The following SNX29 variants were observed in gnomAD, a reference collection of about 807,000 sequenced individuals.
The protein encoded by SNX29 is sorting nexin-29.
Under a neutral mutation model 102.1 loss-of-function variants are expected in SNX29, and 78 were observed. That is an observed-to-expected ratio of 0.76 (90% CI 0.64 to 0.92). SNX29 has a LOEUF of 0.92. Ranked by LOEUF, SNX29 falls within the 40% of genes least tolerant of loss-of-function variation. SNX29 has a pLI of 0.00. For missense variants in SNX29, 1,280 were observed against 1,061.7 expected, an observed-to-expected ratio of 1.21 and a Z score of -2.86; for synonymous variants, 580 against 414.5, an observed-to-expected ratio of 1.40 and a Z score of -4.85.
chr16:12,423,032 A>G (rs1016170108), intron 18 of SNX29, among the ~76,000 whole-genome samples: 1 of 152,186 alleles, frequency 6.6e-6, no homozygotes, highest in African/African-American at 2.4e-5. Flanking sequence ...CTCAGGAAGA[A>G]ACAAACACAC....
At chr16:12,157,200 C>T (rs372186790) in intron 13 of SNX29, among the ~76,000 whole-genome samples, 36 of 152,300 alleles carry the variant, frequency 2.4e-4, no homozygotes, top group African/African-American at 7.9e-4. Context: ...CATCCACCCC[C>T]CATAGGCTGA....
At chr16:12,559,514 C>T (rs764517473) in intron 20 of SNX29, among the ~76,000 whole-genome samples, 1 of 151,906 alleles carries the variant, frequency 6.6e-6, no homozygotes, top group African/African-American at 2.4e-5. Context: ...ATGTAACACA[C>T]TTTGTATCTC....
intron 20 of SNX29, among the ~76,000 whole-genome samples, chr16:12,539,128 T>C (rs1002851758): frequency 6.6e-6 from 1 of 152,198 alleles, no homozygotes; most frequent in Non-Finnish European, 1.5e-5. Flanking sequence ...AAAAAATTTT[T>C]AATTTACACA....
chr16:12,192,101 C>T (rs1427970054), intron 13 of SNX29, among the ~76,000 whole-genome samples: 1 of 152,146 alleles, frequency 6.6e-6, no homozygotes, highest in Non-Finnish European at 1.5e-5. Flanking sequence ...GTAGTGCTGT[C>T]TGGGGTTGCT....
At chr16:12,412,156 C>G (rs1370881240) in intron 18 of SNX29, among the ~76,000 whole-genome samples, 1 of 152,186 alleles carries the variant, frequency 6.6e-6, no homozygotes, top group African/African-American at 2.4e-5. Flanking sequence ...GTAGGACGCC[C>G]CAGCCTCTGC....
At chr16:12,150,911 C>G (rs968670263) in intron 13 of SNX29, among the ~76,000 whole-genome samples, 2 of 152,200 alleles carry the variant, frequency 1.3e-5, no homozygotes, top group Non-Finnish European at 2.9e-5. Flanking sequence ...GGATAGGACC[C>G]CTGTTTTCCT....
At chr16:12,266,062 T>C (rs1054190299) in intron 14 of SNX29, among the ~76,000 whole-genome samples, 3 of 152,108 alleles carry the variant, frequency 2.0e-5, no homozygotes, top group Admixed American at 6.6e-5. Flanking sequence ...TAGTGACACC[T>C]ATAGGGAAAA....
intron 18 of SNX29, among the ~76,000 whole-genome samples, chr16:12,431,748 C>A (rs2085325849): frequency 6.6e-6 from 1 of 152,212 alleles, no homozygotes; most frequent in Non-Finnish European, 1.5e-5. Flanking sequence ...TTGGTCACAG[C>A]ATCTTCTGAG....
At chr16:12,542,307 G>T (rs190096887) in intron 20 of SNX29, among the ~76,000 whole-genome samples, 17 of 152,332 alleles carry the variant, frequency 1.1e-4, no homozygotes, top group African/African-American at 4.1e-4. Context: ...ATCACAGCTA[G>T]TAAGTTTTAG....
In SNX29 at chr16:12,018,630, C is replaced by T. The variant is rs568788410; in HGVS notation, c.123-8690C>T. On this transcript the variant is annotated intron_variant, in intron 3 of 20. Coordinates refer to ENST00000566228, the MANE Select transcript of SNX29 (RefSeq NM_032167.5). Reference sequence around the variant, plus strand: ...ATATTTTATTTTTGTTACTGTTATGCATCAAGTTCCTCTCCTCTAGTTTTG... The same window carrying T: ...ATATTTTATTTTTGTTACTGTTATGTATCAAGTTCCTCTCCTCTAGTTTTG... Among the ~76,000 whole-genome samples, 95 of 151,488 alleles carry T rather than the reference C, an allele frequency of 6.3e-4. 1 individual carries two copies. Among genetic ancestry groups the T allele is most frequent in the African/African-American group, 2.2e-3 (91 of 41,384 alleles).
intron 20 of SNX29, among the ~76,000 whole-genome samples, chr16:12,528,342 A>G (rs1011514920): frequency 1.3e-5 from 2 of 152,064 alleles, no homozygotes; most frequent in African/African-American, 4.8e-5. Flanking sequence ...GATTACAGGC[A>G]TGTGTCACCA....
In SNX29 at chr16:12,445,340, T is replaced by A. The variant is rs527719100; in HGVS notation, c.2038-32379T>A. Among the ~76,000 whole-genome samples the A allele has an allele frequency of 2.6e-5, 4 of 152,286 alleles. No individual in the cohort carries two copies. The East Asian group carries it at 7.7e-4, about 29-fold the overall frequency. ...GCAGAAGACGTTTGCTGAGGCCTTA[T>A]CGAGATGCCCCCGCTTCAGGGCTCC... On this transcript the variant is annotated intron_variant, in intron 18 of 20. Coordinates refer to ENST00000566228, the MANE Select transcript of SNX29 (RefSeq NM_032167.5).
At chr16:12,191,472 C>A (rs1305858236) in intron 13 of SNX29, among the ~76,000 whole-genome samples, 1 of 152,162 alleles carries the variant, frequency 6.6e-6, no homozygotes, top group African/African-American at 2.4e-5. Flanking sequence ...TTGCTTACAC[C>A]TTTCCCCTTC....
chr16:12,071,953 C>T (rs530986818), intron 10 of SNX29, among the ~76,000 whole-genome samples: 3 of 152,264 alleles, frequency 2.0e-5, no homozygotes, highest in East Asian at 1.9e-4. Flanking sequence ...GGAGTTCACT[C>T]ATGATTTGGC....
At chr16:12,505,999 C>T (rs182606314) in intron 19 of SNX29, among the ~76,000 whole-genome samples, 1 of 152,184 alleles carries the variant, frequency 6.6e-6, no homozygotes, top group Non-Finnish European at 1.5e-5. Context: ...CTCGCTCTGT[C>T]ACCCAGGCTG....
intron 13 of SNX29, among the ~76,000 whole-genome samples, chr16:12,139,461 G>T (rs952722000): frequency 3.9e-5 from 6 of 152,186 alleles, no homozygotes; most frequent in Admixed American, 3.9e-4. Flanking sequence ...CTAAATGAGG[G>T]ATTGAAGGGA....
intron 8 of SNX29, 123 bp downstream of exon 8, chr16:12,052,345 T>A: frequency 9.1e-7 from 1 of 1,097,846 alleles, no homozygotes. Flanking sequence ...GCCTCCCGAG[T>A]AGCTGGGATT....
chr16:12,360,578 T>C (rs2082273184), intron 16 of SNX29, among the ~76,000 whole-genome samples: 1 of 152,148 alleles, frequency 6.6e-6, no homozygotes. Context: ...AAAGCACTAT[T>C]GGAGGTGCGA....
chr16:12,048,285 T>C, intron 6 of SNX29, 87 bp from the exon 7 acceptor site: 1 of 1,588,046 alleles, frequency 6.3e-7, no homozygotes, highest in Non-Finnish European at 8.6e-7. Flanking sequence ...TCCTCTTCTG[T>C]ACTCTGTTGT....
Sources: allele counts gnomAD v4.1 joint callset (sites outside exome capture counted in the v4.1 genomes callset), GRCh38; gene constraint gnomAD v4.1.1; transcripts MANE v1.5; gene names NCBI Gene and HGNC (gene_info 2026-07-23, HGNC 2026-07-21).